Variants in ATP9B observed in about 807,000 individuals in gnomAD.
ATP9B encodes the protein probable phospholipid-transporting ATPase IIB.
In ATP9B, 110 loss-of-function variants were observed where a neutral mutation model predicts 146.1. That is an observed-to-expected ratio of 0.75 (90% CI 0.65 to 0.88). The LOEUF is 0.88. ATP9B is among the 40% of genes least tolerant of loss of function. ATP9B has a pLI of 0.00. For synonymous variants in ATP9B, 604 were observed against 569.7 expected (o/e 1.06, Z -0.86); for missense variants, 1,499 against 1,496.4 (o/e 1.00, Z -0.03).
chr18:79,269,642 C>T (rs1447956746), intron 12 of ATP9B, among the ~76,000 whole-genome samples: 3 of 152,108 alleles, frequency 2.0e-5, no homozygotes, highest in African/African-American at 2.4e-5. Flanking sequence ...TTTGTTGTTA[C>T]GGTGTTTTTG....
chr18:79,304,208 C>T (rs1451375437), intron 14 of ATP9B, among the ~76,000 whole-genome samples: 1 of 151,922 alleles, frequency 6.6e-6, no homozygotes, highest in East Asian at 1.9e-4. Flanking sequence ...TGTAGGTGTT[C>T]TTCATTATTA....
At chr18:79,087,073 G>A (rs1388340579) in intron 1 of ATP9B, among the ~76,000 whole-genome samples, 1 of 152,208 alleles carries the variant, frequency 6.6e-6, no homozygotes, top group African/African-American at 2.4e-5. Context: ...CAAGATCAAG[G>A]TATTGACGTC....
intron 11 of ATP9B, among the ~76,000 whole-genome samples, chr18:79,215,835 G>A (rs2095622606): frequency 6.6e-6 from 1 of 152,026 alleles, no homozygotes; most frequent in African/African-American, 2.4e-5. Flanking sequence ...GATTACAGAT[G>A]AGCACCACCC....
rs887036970 is a variant in ATP9B at position 79,201,262 on chromosome 18, T to C, written c.955-5675T>C. ...GATGATAGTTCTTGATTTTTCTGTGTATTTTTCAAAAAGGAAGAGAATAAA... is the reference window on the plus strand; with the variant it reads ...GATGATAGTTCTTGATTTTTCTGTGCATTTTTCAAAAAGGAAGAGAATAAA... On this transcript the variant is annotated intron_variant, in intron 9 of 29. Transcript: ENST00000426216. Among the ~76,000 whole-genome samples the C allele has an allele frequency of 1.2e-4, 19 of 152,310 alleles. No homozygotes were observed. The East Asian group carries it at 1.7e-3, about 14-fold the overall frequency.
At position 79,110,406 on chromosome 18, in the gene ATP9B, T is replaced by C. The variant is rs1428524839; in HGVS notation, c.345T>C (p.Ala115=). 3 of 1,611,128 alleles carry C rather than the reference T, an allele frequency of 1.9e-6. No individual in the cohort carries two copies. Among genetic ancestry groups the C allele is most frequent in the African/African-American group, 2.7e-5 (2 of 74,848 alleles). The change falls in exon 3 of 30, where the codon GCT becomes GCC. Residue 115 remains alanine, a synonymous_variant. Transcript: ENST00000426216. ...NICRRKKELK[A]RTVWLGCPEK... is the part of the protein sequence containing the mutation. ...GTCGAAGAAAGAAAGAGCTGAAAGC[T>C]CGCACAGTATGGCTTGGATGTCCTG... is the stretch of plus-strand genomic sequence containing the variant.
At chr18:79,216,429 A>G (rs2095627714) in intron 11 of ATP9B, among the ~76,000 whole-genome samples, 1 of 152,234 alleles carries the variant, frequency 6.6e-6, no homozygotes, top group African/African-American at 2.4e-5. Context: ...CTTGCCAGGA[A>G]CAAGGTCATG....
intron 12 of ATP9B, among the ~76,000 whole-genome samples, chr18:79,256,982 G>A (rs573510213): frequency 4.6e-5 from 7 of 152,294 alleles, no homozygotes; most frequent in East Asian, 1.9e-4. Context: ...AATACAGTGC[G>A]TATTATTCAC....
rs1269498772 is a variant in ATP9B at position 79,359,348 on chromosome 18, T to A, written c.2904-6T>A. On this transcript the variant is annotated splice_polypyrimidine_tract_variant and splice_region_variant and intron_variant, in intron 25 of 29. Transcript: ENST00000426216. ...CGCCCATTGCACTCCGCTCTTGGTC[T>A]TGCAGGTATGCCACCATATACACCA... The A allele has an allele frequency of 6.2e-7, 1 of 1,606,846 alleles. No homozygotes were observed. Among genetic ancestry groups the A allele is most frequent in the East Asian group, 2.2e-5 (1 of 44,794 alleles).
In ATP9B at chr18:79,376,214, C is replaced by CACACACAAAAAA; in HGVS notation, c.3307+789_3307+790insCACACAAAAAAA. The CACACACAAAAAA allele has an allele frequency of 4.2e-3, 3,607 of 867,766 alleles. 47 individuals carry two copies. Among genetic ancestry groups the CACACACAAAAAA allele is most frequent in the Admixed American group, 7.2e-3 (90 of 12,546 alleles). 53.8% of individuals were successfully genotyped at this position (867,766 alleles called of 1,614,324 possible). On this transcript the variant is annotated intron_variant, in intron 29 of 29. Coordinates refer to ENST00000426216, the MANE Select transcript of ATP9B (RefSeq NM_198531.5). ...ACACACACACACACACACACACACACAAAACAAAACAAAAAAATGGCTAGC... is the reference window on the plus strand; with the variant it reads ...ACACACACACACACACACACACACACACACACAAAAAAAAAACAAAACAAAAAAATGGCTAGC...
chr18:79,257,113 A>G (rs1428238549), intron 12 of ATP9B, among the ~76,000 whole-genome samples: 2 of 152,144 alleles, frequency 1.3e-5, no homozygotes, highest in East Asian at 1.9e-4. Flanking sequence ...TAGCCTGGCC[A>G]TCATGATGGA....
intron 11 of ATP9B, among the ~76,000 whole-genome samples, chr18:79,242,448 TTTCC>T (rs2095898778): frequency 2.6e-5 from 4 of 152,232 alleles, no homozygotes; most frequent in African/African-American, 9.6e-5. Context: ...GCCAGCTGTG[TTTCC>T]CTACATACTG....
At chr18:79,334,083 C>T (rs979708774) in intron 17 of ATP9B, among the ~76,000 whole-genome samples, 3 of 152,186 alleles carry the variant, frequency 2.0e-5, no homozygotes, top group East Asian at 1.9e-4. Flanking sequence ...CTAGGCTGGG[C>T]GCGGTGGCTC....
At chr18:79,295,310 GC>G (rs2146266560) in intron 13 of ATP9B, among the ~76,000 whole-genome samples, 1 of 152,274 alleles carries the variant, frequency 6.6e-6, no homozygotes, top group East Asian at 1.9e-4. Context: ...AGTGAAATTG[GC>G]ACGTAATTAT....
At chr18:79,318,879 T>C (rs2146835865) in intron 15 of ATP9B, among the ~76,000 whole-genome samples, 1 of 152,356 alleles carries the variant, frequency 6.6e-6, no homozygotes, top group South Asian at 2.1e-4. Context: ...CAGGTCCCAC[T>C]GTAGATCACC....
At chr18:79,190,790 C>T (rs889351079) in intron 8 of ATP9B, among the ~76,000 whole-genome samples, 2 of 152,172 alleles carry the variant, frequency 1.3e-5, no homozygotes, top group African/African-American at 4.8e-5. Flanking sequence ...ATGTGATCCA[C>T]CTGCCACGGC....
At chr18:79,255,346 C>T (rs1411491620) in intron 12 of ATP9B, 1 of 152,262 alleles carries the variant, frequency 6.6e-6, no homozygotes, top group Admixed American at 6.5e-5. Context: ...AGGTAGTTCT[C>T]ATTTGTTGTT....
intron 11 of ATP9B, among the ~76,000 whole-genome samples, chr18:79,224,445 A>C (rs1299184668): frequency 6.6e-6 from 1 of 152,218 alleles, no homozygotes; most frequent in East Asian, 1.9e-4. Context: ...TAGTTGCTGA[A>C]GATGGAGAAG....
intron 21 of ATP9B, 112 bp downstream of exon 21, chr18:79,344,466 A>ATGTCTGTC: frequency 2.2e-6 from 2 of 921,280 alleles, no homozygotes; most frequent in Non-Finnish European, 3.5e-6. Context: ...GAGTGAGTAC[A>ATGTCTGTC]TGTCTGTCTG....
intron 13 of ATP9B, among the ~76,000 whole-genome samples, chr18:79,282,761 A>G (rs114006703): frequency 0.015 from 2,323 of 152,130 alleles, 64 homozygotes; most frequent in African/African-American, 0.054. Flanking sequence ...GTAGTTTCCT[A>G]TCTAGTTTCC....
Sources: allele counts gnomAD v4.1 joint callset (sites outside exome capture counted in the v4.1 genomes callset), GRCh38; gene constraint gnomAD v4.1.1; transcripts MANE v1.5; gene names NCBI Gene and HGNC (gene_info 2026-07-23, HGNC 2026-07-21).